RASSF5: variants seen among roughly 807,000 people sequenced by gnomAD.
RASSF5 encodes Ras association domain family member 5, also known as ras association domain-containing protein 5.
RASSF5 carries 25 observed loss-of-function variants against 40.5 expected under a neutral mutation model. The observed-to-expected ratio is 0.62, with a 90% confidence interval of 0.45 to 0.86. The LOEUF (loss-of-function observed/expected upper bound fraction) is 0.86. Among genes scored for constraint, RASSF5 ranks in the 40% least tolerant of loss-of-function variants. The pLI is 0.00. For missense variants in RASSF5, 521 were observed against 572.8 expected, an observed-to-expected ratio of 0.91 and a Z score of 0.92; for synonymous variants, 246 against 252.4, an observed-to-expected ratio of 0.97 and a Z score of 0.24.
chr1:206,586,789 T>A (rs1669134046), intron 5 of RASSF5, 37 bp from the exon 6 acceptor site: 11 of 1,555,580 alleles, frequency 7.1e-6, no homozygotes, highest in Middle Eastern at 3.4e-4. Context: ...TGTCTCCTAT[T>A]CTGTTTCTTC....
At chr1:206,529,638 A>G in intron 1 of RASSF5, 1 of 764,422 alleles carries the variant, frequency 1.3e-6, no homozygotes, top group South Asian at 1.3e-5. Context: ...CCTGGGTCCC[A>G]AGTCTGTGGC....
chr1:206,520,062 A>C (rs1344106656), intron 1 of RASSF5, among the ~76,000 whole-genome samples: 1 of 152,186 alleles, frequency 6.6e-6, no homozygotes. Context: ...ATTCAGTCCA[A>C]GGAGTTATAG....
chr1:206,548,396 G>A (rs1377080300), intron 2 of RASSF5, among the ~76,000 whole-genome samples: 1 of 152,138 alleles, frequency 6.6e-6, no homozygotes, highest in African/African-American at 2.4e-5. Context: ...CAGAGAGAGA[G>A]GAGGAGGCGC....
chr1:206,571,095 T>C (rs1167977417), intron 2 of RASSF5, among the ~76,000 whole-genome samples: 1 of 152,186 alleles, frequency 6.6e-6, no homozygotes, highest in Non-Finnish European at 1.5e-5. Flanking sequence ...CCAATGCTTG[T>C]TATTTTCTTG....
At chr1:206,539,840 C>G (rs1247953758) in intron 2 of RASSF5, among the ~76,000 whole-genome samples, 2 of 152,158 alleles carry the variant, frequency 1.3e-5, no homozygotes, top group African/African-American at 2.4e-5. Context: ...GCAACATTTC[C>G]TAAAAATCTT....
intron 1 of RASSF5, among the ~76,000 whole-genome samples, chr1:206,509,800 C>G (rs1666569329): frequency 6.6e-6 from 1 of 151,818 alleles, no homozygotes. Context: ...TACTCCATGA[C>G]TAAATGAATT....
In RASSF5 at chr1:206,561,218, C is replaced by T. The variant is rs781937743; in HGVS notation, c.580-22051C>T. 3.9e-5 allele frequency among the ~76,000 whole-genome samples: 6 copies of T among 152,318 alleles called. 1 individual carries two copies. In the South Asian group the frequency reaches 1.0e-3, roughly 26 times the overall value. ...ACTGAGGCCCAGAGAGGTGGAAGGA[C>T]GTCACTAGGCCACACATCTGTTTGG... On this transcript the variant is annotated intron_variant, in intron 2 of 5. Transcript: ENST00000579436.
intron 2 of RASSF5, among the ~76,000 whole-genome samples, chr1:206,570,735 T>C (rs1668425092): frequency 6.6e-6 from 1 of 152,144 alleles, no homozygotes; most frequent in South Asian, 2.1e-4. Flanking sequence ...CAGAATTTCC[T>C]TCCCTTTCAA....
In RASSF5 at chr1:206,579,836, T is replaced by A. The variant is rs1331882398; in HGVS notation, c.580-3433T>A. ...ATCTCTTGGGTGGAAAAAGGATCCG[T>A]GAGCCCTCGTGGCTGTGGCTGGCTG... On this transcript the variant is annotated intron_variant, in intron 2 of 5. Transcript: ENST00000579436. The surrounding 1 kb of genome is among the most constrained non-coding windows in gnomAD (Gnocchi z 4.2). 6.6e-6 allele frequency among the ~76,000 whole-genome samples: 1 copy of A among 152,134 alleles called. No individual in the cohort carries two copies. Among genetic ancestry groups the A allele is most frequent in the Non-Finnish European group, 1.5e-5 (1 of 68,036 alleles).
At chr1:206,562,877 G>A (rs1035549713) in intron 2 of RASSF5, among the ~76,000 whole-genome samples, 13 of 151,884 alleles carry the variant, frequency 8.6e-5, no homozygotes, top group South Asian at 6.2e-4. Flanking sequence ...AGCCAAGATC[G>A]TGCCACTGCA....
chr1:206,574,918 G>A (rs1364208671), intron 2 of RASSF5, among the ~76,000 whole-genome samples: 1 of 146,656 alleles, frequency 6.8e-6, no homozygotes, highest in Non-Finnish European at 1.5e-5. Context: ...GGAGTGCAGT[G>A]GCGCAATCTT....
chr1:206,577,200 G>C (rs558805053), intron 2 of RASSF5, among the ~76,000 whole-genome samples: 1 of 152,134 alleles, frequency 6.6e-6, no homozygotes, highest in African/African-American at 2.4e-5. Context: ...AACAGACTGC[G>C]TGGCCTGCAA....
At position 206,507,740 on chromosome 1, in the gene RASSF5, C is replaced by G; in HGVS notation, c.138C>G (p.Val46=). The change falls in exon 1 of 6, where the codon GTC becomes GTG. Residue 46 remains valine, a synonymous_variant. Coordinates refer to ENST00000579436, the MANE Select transcript of RASSF5 (RefSeq NM_182663.4). ...CCGACCGGTCCTCGCGCCTCTGTGTCCCGGCGCCCCTCTCCACTGCGCCCG... is the reference window on the plus strand; with the variant it reads ...CCGACCGGTCCTCGCGCCTCTGTGTGCCGGCGCCCCTCTCCACTGCGCCCG... The part of the protein sequence containing the change: ...PPPDRSSRLC[V]PAPLSTAPGA... 1 of 1,472,750 alleles carries G rather than the reference C, an allele frequency of 6.8e-7. No individual in the cohort carries two copies. Among genetic ancestry groups the G allele is most frequent in the Admixed American group, 2.5e-5 (1 of 40,222 alleles). The allele number at this position is 1,472,750 out of a possible 1,614,324, so 91.2% of individuals were successfully genotyped here.
Position 206,535,722 on chromosome 1 carries a change from G to A in RASSF5, c.458-2450G>A, listed in dbSNP as rs1399321733. Reference sequence around the variant, plus strand: ...GTGTGTCTGTGTGTGTGTGGTGTGTGTGTGTGTGTGTGTGTGTGTGTGAGA... The same window carrying A: ...GTGTGTCTGTGTGTGTGTGGTGTGTATGTGTGTGTGTGTGTGTGTGTGAGA... On this transcript the variant is annotated intron_variant, in intron 1 of 5. Transcript: ENST00000579436. The surrounding 1 kb of genome is among the most constrained non-coding windows in gnomAD (Gnocchi z 5.0). 2.2e-5 allele frequency among the ~76,000 whole-genome samples: 1 copy of A among 45,312 alleles called. No individual in the cohort carries two copies. The highest frequency in any genetic ancestry group is 6.6e-5 in the Non-Finnish European group (1 of 15,172). 29.7% of individuals were successfully genotyped at this position (45,312 alleles called of 152,430 possible).
intron 2 of RASSF5, among the ~76,000 whole-genome samples, chr1:206,577,915 G>C (rs193244996): frequency 6.6e-6 from 1 of 152,172 alleles, no homozygotes; most frequent in Non-Finnish European, 1.5e-5. Context: ...TGAGATGGAT[G>C]AGTCTACTTG....
At chr1:206,510,457 C>T (rs543767648) in intron 1 of RASSF5, among the ~76,000 whole-genome samples, 4 of 152,168 alleles carry the variant, frequency 2.6e-5, no homozygotes, top group Non-Finnish European at 5.9e-5. Flanking sequence ...ACATAAGGCA[C>T]TCAGAACAGG....
At chr1:206,553,404 A>T (rs1196817433) in intron 2 of RASSF5, among the ~76,000 whole-genome samples, 2 of 152,202 alleles carry the variant, frequency 1.3e-5, no homozygotes, top group African/African-American at 2.4e-5. Context: ...GGAGGCAGAG[A>T]TAGAAACATG....
chr1:206,565,870 A>G (rs1668276532), intron 2 of RASSF5, among the ~76,000 whole-genome samples: 1 of 152,208 alleles, frequency 6.6e-6, no homozygotes, highest in Admixed American at 6.5e-5. Context: ...TCACCTCTGA[A>G]AAGCAGAGCC....
chr1:206,571,464 T>C (rs1553404189), intron 2 of RASSF5: 1 of 152,154 alleles, frequency 6.6e-6, no homozygotes, highest in Non-Finnish European at 1.5e-5. Flanking sequence ...CATCCTTAAT[T>C]AACTCTGCAG....
Sources: allele counts gnomAD v4.1 joint callset (sites outside exome capture counted in the v4.1 genomes callset), GRCh38; gene constraint gnomAD v4.1.1; non-coding constraint Gnocchi (gnomAD v3.1); transcripts MANE v1.5; gene names NCBI Gene and HGNC (gene_info 2026-07-23, HGNC 2026-07-21).